COL26A1: variants seen among roughly 807,000 people sequenced by gnomAD.
COL26A1 encodes collagen type XXVI alpha 1 chain, also known as collagen alpha-1(XXVI) chain.
In COL26A1, 41 loss-of-function variants were observed where a neutral mutation model predicts 59.3. The ratio of observed to expected loss-of-function variants is 0.69; its 90% CI spans 0.54 to 0.90. COL26A1 has a LOEUF of 0.90. Among genes scored for constraint, COL26A1 ranks in the 40% least tolerant of loss-of-function variants. The pLI, the probability that COL26A1 is intolerant of heterozygous loss-of-function variation, is 0.00. For synonymous variants in COL26A1, 266 were observed against 256.0 expected (o/e 1.04, Z -0.37); for missense variants, 612 against 602.3 (o/e 1.02, Z -0.17).
chr7:101,535,891 C>G (rs1279827660), intron 4 of COL26A1, among the ~76,000 whole-genome samples: 1 of 152,150 alleles, frequency 6.6e-6, no homozygotes, highest in East Asian at 1.9e-4. Context: ...CTCTGCAGCC[C>G]CCGTCCTTTT....
At chr7:101,414,435 T>C (rs578041192) in intron 1 of COL26A1, among the ~76,000 whole-genome samples, 1 of 97,760 alleles carries the variant, frequency 1.0e-5, no homozygotes, top group East Asian at 2.0e-4. Context: ...TCTGTGTTTG[T>C]GTGTGTGTGT....
intron 3 of COL26A1, among the ~76,000 whole-genome samples, chr7:101,523,139 G>A (rs1380151049): frequency 6.6e-6 from 1 of 150,690 alleles, no homozygotes; most frequent in African/African-American, 2.4e-5. Flanking sequence ...GCACGATCTC[G>A]GCTCACCACA....
At chr7:101,501,816 A>G (rs1584467488) in intron 3 of COL26A1, among the ~76,000 whole-genome samples, 1 of 152,026 alleles carries the variant, frequency 6.6e-6, no homozygotes, top group Admixed American at 6.5e-5. Context: ...AGCGTGGACT[A>G]TGTGTGCAAA....
intron 2 of COL26A1, among the ~76,000 whole-genome samples, chr7:101,444,510 G>T (rs1464321018): frequency 6.6e-6 from 1 of 151,274 alleles, no homozygotes; most frequent in East Asian, 1.9e-4. Context: ...CGCCTCCTGG[G>T]TTCAAATGAT....
At chr7:101,534,773 G>T (rs1400506267) in intron 4 of COL26A1, among the ~76,000 whole-genome samples, 1 of 146,292 alleles carries the variant, frequency 6.8e-6, no homozygotes, top group Non-Finnish European at 1.5e-5. Context: ...GGTGAGTGTG[G>T]CTTGGAGTCA....
At chr7:101,424,240 A>G (rs1305210979) in intron 2 of COL26A1, among the ~76,000 whole-genome samples, 1 of 152,014 alleles carries the variant, frequency 6.6e-6, no homozygotes, top group East Asian at 1.9e-4. Flanking sequence ...CTTAATTTTC[A>G]TTCTCTTAGA....
chr7:101,545,537 G>T, intron 7 of COL26A1, 47 bp downstream of exon 7: 12 of 1,550,788 alleles, frequency 7.7e-6, no homozygotes, highest in Non-Finnish European at 1.0e-5. Flanking sequence ...GCTACGCTGT[G>T]TTCTGGGAGG....
chr7:101,494,443 ATGT>A (rs1298035255), intron 3 of COL26A1, among the ~76,000 whole-genome samples: 3 of 152,130 alleles, frequency 2.0e-5, no homozygotes, highest in Admixed American at 2.0e-4. Flanking sequence ...TGCATTGTTG[ATGT>A]TGTTGTTACT....
chr7:101,463,855 T>C (rs1260211728), intron 3 of COL26A1, among the ~76,000 whole-genome samples: 1 of 140,004 alleles, frequency 7.1e-6, no homozygotes. Flanking sequence ...CCTCCCTCTT[T>C]TTTCTCTTTT....
chr7:101,445,415 C>T (rs1394724970), intron 2 of COL26A1, among the ~76,000 whole-genome samples: 4 of 151,934 alleles, frequency 2.6e-5, no homozygotes, highest in African/African-American at 9.7e-5. Context: ...CTTTCATTCA[C>T]GGCTGAAGGC....
Position 101,407,085 on chromosome 7 carries a change from G to A in COL26A1, c.159-12892G>A, listed in dbSNP as rs114185925. The stretch of plus-strand genomic sequence containing the variant: ...CCCCCATCGAGTGGGTATCCTGCTC[G>A]CCCCTTCAAGGATGGGGTATCTACT... On this transcript the variant is annotated intron_variant, in intron 1 of 12. Coordinates refer to ENST00000313669, the MANE Select transcript of COL26A1 (RefSeq NM_001278563.3). Among the ~76,000 whole-genome samples, 735 of 152,180 alleles carry A rather than the reference G, an allele frequency of 4.8e-3. 7 individuals carry two copies. The highest frequency in any genetic ancestry group is 0.017 in the African/African-American group (686 of 41,528).
chr7:101,462,706 C>T (rs1793644777), intron 3 of COL26A1, among the ~76,000 whole-genome samples: 1 of 152,086 alleles, frequency 6.6e-6, no homozygotes. Context: ...TACTGGGACC[C>T]CCATGCTTCC....
At chr7:101,478,343 G>A (rs192672710) in intron 3 of COL26A1, among the ~76,000 whole-genome samples, 184 of 152,296 alleles carry the variant, frequency 1.2e-3, no homozygotes, top group Admixed American at 2.7e-3. Context: ...TCGGGAGAGC[G>A]TGGTGGTAAA....
intron 1 of COL26A1, among the ~76,000 whole-genome samples, chr7:101,392,866 G>A (rs1375380719): frequency 6.6e-6 from 1 of 152,140 alleles, no homozygotes; most frequent in Non-Finnish European, 1.5e-5. Flanking sequence ...CGGGTGGGAC[G>A]CAGGAGAGTG....
intron 8 of COL26A1, among the ~76,000 whole-genome samples, chr7:101,548,738 A>G (rs1038415332): frequency 2.6e-5 from 4 of 151,554 alleles, no homozygotes; most frequent in Non-Finnish European, 5.9e-5. Context: ...GATTTTTGAG[A>G]GTGTACTCTT....
intron 1 of COL26A1, among the ~76,000 whole-genome samples, chr7:101,402,568 TTTCTTTCC>T (rs1487731693): frequency 6.6e-6 from 1 of 151,840 alleles, no homozygotes; most frequent in Non-Finnish European, 1.5e-5. Flanking sequence ...TCTTTCTTTC[TTTCTTTCC>T]TTCATTCTTT....
chr7:101,451,420 A>G lies in COL26A1; in HGVS notation c.385+3633A>G, dbSNP rs182265377. Among the ~76,000 whole-genome samples the G allele has an allele frequency of 7.3e-3, 1,082 of 147,522 alleles. 9 individuals are homozygous for G. Among genetic ancestry groups the G allele is most frequent in the African/African-American group, 0.025 (1,006 of 40,702 alleles). The stretch of plus-strand genomic sequence containing the variant: ...AATTTATATTATATATAAATTATAT[A>G]CAATTTAAGTATCCCTAGTCCAAAA... On this transcript the variant is annotated intron_variant, in intron 3 of 12. Coordinates refer to ENST00000313669, the MANE Select transcript of COL26A1 (RefSeq NM_001278563.3).
intron 1 of COL26A1, among the ~76,000 whole-genome samples, chr7:101,397,364 CCTTCCTT>C (rs1444951884): frequency 1.3e-5 from 2 of 151,312 alleles, no homozygotes; most frequent in Admixed American, 6.6e-5. Context: ...TTCCTTCCTT[CCTTCCTT>C]CTTCTTCATC....
In COL26A1 at chr7:101,488,634, C is replaced by T. The variant is rs560168394; in HGVS notation, c.385+40847C>T. Among the ~76,000 whole-genome samples the T allele has an allele frequency of 8.5e-5, 13 of 152,096 alleles. No individual in the cohort carries two copies. In the South Asian group the frequency reaches 2.5e-3, roughly 29 times the overall value. The stretch of plus-strand genomic sequence containing the variant: ...CAGGTGATCCTCCCTCCTCGGCCTC[C>T]CAAAGCGCTAGGATTACAGGCGTAA... On this transcript the variant is annotated intron_variant, in intron 3 of 12. Transcript: ENST00000313669.
Sources: allele counts gnomAD v4.1 joint callset (sites outside exome capture counted in the v4.1 genomes callset), GRCh38; gene constraint gnomAD v4.1.1; transcripts MANE v1.5; gene names NCBI Gene and HGNC (gene_info 2026-07-23, HGNC 2026-07-21).